GRM4: variants seen among roughly 807,000 people sequenced by gnomAD.
The protein encoded by GRM4 is metabotropic glutamate receptor 4.
In GRM4, 28 loss-of-function variants were observed where a neutral mutation model predicts 81.7. That is an observed-to-expected ratio of 0.34 (90% CI 0.25 to 0.47). The LOEUF (loss-of-function observed/expected upper bound fraction) is 0.47, where lower values mean the gene tolerates loss of function less well. Ranked by LOEUF, GRM4 falls within the 20% of genes least tolerant of loss-of-function variation. The pLI, the probability that GRM4 is intolerant of heterozygous loss-of-function variation, is 1.00. For missense variants in GRM4, 948 were observed against 1,290.0 expected, an observed-to-expected ratio of 0.73 and a Z score of 4.06; for synonymous variants, 488 against 528.8, an observed-to-expected ratio of 0.92 and a Z score of 1.06.
rs1364431486 is a variant in GRM4, at chr6:34,114,108, A to G, written c.519+18870T>C. Reference sequence around the variant, plus strand: ...GTCTTCCCTGACTGCCTTGTGTACAAGAGCCCTTCCCCTCCTTCACAACTC... The same window carrying G: ...GTCTTCCCTGACTGCCTTGTGTACAGGAGCCCTTCCCCTCCTTCACAACTC... On this transcript the variant is annotated intron_variant, in intron 2 of 10. Transcript: ENST00000538487. This position sits in a 1 kb window ranked among gnomAD's most constrained non-coding sequence, Gnocchi z 4.3. Among the ~76,000 whole-genome samples, 3 of 152,096 alleles carry G rather than the reference A, an allele frequency of 2.0e-5. No homozygotes were observed. The highest frequency in any genetic ancestry group is 2.0e-4 in the Admixed American group (3 of 15,278).
chr6:34,127,703 T>C (rs1770074116), intron 2 of GRM4, among the ~76,000 whole-genome samples: 1 of 152,124 alleles, frequency 6.6e-6, no homozygotes, highest in South Asian at 2.1e-4. Flanking sequence ...TGAGGAGTTG[T>C]CATGCCCAGG....
chr6:34,102,374 G>A (rs973604315), intron 2 of GRM4, among the ~76,000 whole-genome samples: 19 of 152,052 alleles, frequency 1.2e-4, no homozygotes, highest in Non-Finnish European at 2.4e-4. Context: ...TCACTGACTC[G>A]GCTCCAGTCA....
chr6:34,119,499 G>T (rs1769718183), intron 2 of GRM4, among the ~76,000 whole-genome samples: 1 of 152,240 alleles, frequency 6.6e-6, no homozygotes, highest in Non-Finnish European at 1.5e-5. Context: ...GTCCTGCAGA[G>T]GTGGAGGTGT....
At chr6:34,095,852 G>A (rs1187998432) in intron 2 of GRM4, among the ~76,000 whole-genome samples, 2 of 152,188 alleles carry the variant, frequency 1.3e-5, no homozygotes, top group Non-Finnish European at 2.9e-5. Flanking sequence ...GGTGCCAGGG[G>A]CCGCCACAGG....
intron 2 of GRM4, among the ~76,000 whole-genome samples, chr6:34,125,865 T>C (rs1484078795): frequency 2.0e-5 from 3 of 152,218 alleles, no homozygotes; most frequent in Non-Finnish European, 4.4e-5. Context: ...TCAGGAGAAC[T>C]GCCCCTGACA....
chr6:34,108,619 G>A (rs1018835997), intron 2 of GRM4, among the ~76,000 whole-genome samples: 7 of 152,160 alleles, frequency 4.6e-5, no homozygotes, highest in Admixed American at 3.3e-4. Flanking sequence ...CAGTTTCTCC[G>A]AAAGGATGGC....
At chr6:34,113,074 T>C (rs1769452220) in intron 2 of GRM4, among the ~76,000 whole-genome samples, 2 of 152,076 alleles carry the variant, frequency 1.3e-5, no homozygotes, top group South Asian at 4.2e-4. Context: ...ATTCTCTGTT[T>C]TCCCTCCTTC....
At chr6:34,073,156 G>A (rs62646210) in intron 3 of GRM4, among the ~76,000 whole-genome samples, 3 of 3,030 alleles carry the variant, frequency 9.9e-4, no homozygotes, top group African/African-American at 5.2e-3. Context: ...CATCACCACA[G>A]ACACACACCC....
At chr6:34,101,179 T>C (rs1768818190) in intron 2 of GRM4, among the ~76,000 whole-genome samples, 1 of 152,188 alleles carries the variant, frequency 6.6e-6, no homozygotes, top group Non-Finnish European at 1.5e-5. Context: ...CACACACACA[T>C]GCAATCCTCA....
chr6:34,133,523 C>CGGCAGGCCCACTCCTAGCCCT lies in GRM4; in HGVS notation c.-48_-28dup. The CGGCAGGCCCACTCCTAGCCCT allele has an allele frequency of 6.6e-7, 1 of 1,526,220 alleles. No individual in the cohort carries two copies. Among genetic ancestry groups the CGGCAGGCCCACTCCTAGCCCT allele is most frequent in the Non-Finnish European group, 8.8e-7 (1 of 1,139,888 alleles). 94.5% of individuals were successfully genotyped at this position (1,526,220 alleles called of 1,614,324 possible). A position where few individuals can be genotyped will look rare whatever the true frequency, so the allele number is the denominator to read the frequency against. ...TCGGAAATCCCTAGAGACCCATGAA[C>CGGCAGGCCCACTCCTAGCCCT]GGCAGGCCCACTCCTAGCCCTGGCA... On this transcript the variant is annotated 5_prime_UTR_variant, in exon 2 of 11. Coordinates refer to ENST00000538487, the MANE Select transcript of GRM4 (RefSeq NM_000841.4). This position sits in a 1 kb window ranked among gnomAD's most constrained non-coding sequence, Gnocchi z 6.5.
chr6:34,065,295 C>T (rs1766398295), intron 3 of GRM4, among the ~76,000 whole-genome samples: 1 of 152,166 alleles, frequency 6.6e-6, no homozygotes, highest in South Asian at 2.1e-4. Context: ...ACGACTAACA[C>T]TCCCGCAGAC....
In GRM4 at chr6:34,074,558, G is replaced by A. The variant is rs537392880; in HGVS notation, c.737-12530C>T. ...CTGCCAGGAGAGGAGGCTGCTGGGC[G>A]GCGCAGGCAGTGTGGCTCAGAGCTG... On this transcript the variant is annotated intron_variant, in intron 3 of 10. Transcript: ENST00000538487. The surrounding 1 kb of genome is among the most constrained non-coding windows in gnomAD (Gnocchi z 4.9). 2.9e-4 allele frequency among the ~76,000 whole-genome samples: 39 copies of A among 136,262 alleles called. No homozygotes were observed. The highest frequency in any genetic ancestry group is 3.5e-4 in the Admixed American group (5 of 14,164). The allele number at this position is 136,262 out of a possible 152,430, so 89.4% of individuals were successfully genotyped here. A position where few individuals can be genotyped will look rare whatever the true frequency, so the allele number is the denominator to read the frequency against.
rs148507320 is a variant in GRM4 at position 34,130,243 on chromosome 6, G to C, written c.519+2735C>G. ...GTCACCAGCCTGGAACATTAAGGCTGTTAAAAGGGACCCAGGGAATGCAGG... is the reference window on the plus strand; with the variant it reads ...GTCACCAGCCTGGAACATTAAGGCTCTTAAAAGGGACCCAGGGAATGCAGG... On this transcript the variant is annotated intron_variant, in intron 2 of 10. Transcript: ENST00000538487. This position sits in a 1 kb window ranked among gnomAD's most constrained non-coding sequence, Gnocchi z 4.1. 1.9e-3 allele frequency among the ~76,000 whole-genome samples: 285 copies of C among 152,368 alleles called. 3 individuals are homozygous for C. Among genetic ancestry groups the C allele is most frequent in the South Asian group, 6.0e-3 (29 of 4,828 alleles).
chr6:34,025,654 G>T (rs1764098151), intron 10 of GRM4, among the ~76,000 whole-genome samples: 1 of 152,178 alleles, frequency 6.6e-6, no homozygotes, highest in South Asian at 2.1e-4. Context: ...GCCCCCATGA[G>T]CTAACAGTGA....
At chr6:34,099,812 C>A (rs1258446522) in intron 2 of GRM4, among the ~76,000 whole-genome samples, 3 of 152,276 alleles carry the variant, frequency 2.0e-5, no homozygotes, top group African/African-American at 7.2e-5. Context: ...TTGGGAGGAG[C>A]AGGATAGGCC....
chr6:34,096,252 C>A (rs184912589), intron 2 of GRM4, among the ~76,000 whole-genome samples: 1 of 152,260 alleles, frequency 6.6e-6, no homozygotes, highest in Admixed American at 6.5e-5. Flanking sequence ...TGCTCTAGGT[C>A]CCTCTGTCCC....
At chr6:34,026,144 C>T (rs1297212282) in intron 10 of GRM4, among the ~76,000 whole-genome samples, 2 of 152,344 alleles carry the variant, frequency 1.3e-5, no homozygotes, top group South Asian at 2.1e-4. Context: ...TGCAATCAGG[C>T]CCCTGAATTA....
rs147281641 is a variant in GRM4, at chr6:34,040,202, G to A, written c.1482C>T (p.Ser494=). The stretch of plus-strand genomic sequence containing the variant: ...CTCTAAGGTGCAGGTGGTCAGTCCA[G>A]GAGCCAATGACCTTGTACTCGGCAG... ...NDSAEYKVIG[S]WTDHLHLRIE... is the part of the protein sequence containing the mutation. Residue 494 remains serine, a synonymous_variant, in exon 8 of 11, where the codon TCC becomes TCT. Transcript: ENST00000538487. 10 of 1,614,020 alleles carry A rather than the reference G, an allele frequency of 6.2e-6. No individual in the cohort carries two copies. In the African/African-American group the frequency reaches 1.2e-4, roughly 19 times the overall value.
chr6:34,155,022 G>A lies in GRM4; in HGVS notation c.312+57C>T, dbSNP rs935914481. ...CCAGTCTACGCCTCCCACAGTGCTG[G>A]GCACCTCCCCGTCCCACGCCCGGGG... On this transcript the variant is annotated intron_variant, in intron 1 of 8. Transcript: ENST00000374177. 1.3e-5 allele frequency: 18 copies of A among 1,365,872 alleles called. No homozygotes were observed. The African/African-American group carries it at 2.3e-4, about 18-fold the overall frequency. The allele number at this position is 1,365,872 out of a possible 1,614,324, so 84.6% of individuals were successfully genotyped here. A position where few individuals can be genotyped will look rare whatever the true frequency, so the allele number is the denominator to read the frequency against.
Sources: gnomAD v4.1 joint callset for allele counts (sites outside exome capture counted in the v4.1 genomes callset) on GRCh38, gnomAD v4.1.1 for gene constraint, Gnocchi (gnomAD v3.1) non-coding constraint, MANE v1.5 for transcripts, NCBI Gene and HGNC (gene_info 2026-07-23, HGNC 2026-07-21) for gene names.